Variants in LGALS3 observed in about 807,000 individuals in gnomAD.
The protein encoded by LGALS3 is galectin 3.
LGALS3 carries 18 observed loss-of-function variants against 20.7 expected under a neutral mutation model. That is an observed-to-expected ratio of 0.87 (90% CI 0.60 to 1.29). The LOEUF is 1.29. LGALS3 is among the 50% of genes most tolerant of loss of function. LGALS3 has a pLI of 0.00. For missense variants in LGALS3, 315 were observed against 314.7 expected (o/e 1.00, Z -0.01); for synonymous variants, 112 against 119.6 (o/e 0.94, Z 0.42).
chr14:55,133,194 G>A (rs1477168303), intron 1 of LGALS3, among the ~76,000 whole-genome samples: 2 of 146,318 alleles, frequency 1.4e-5, no homozygotes, highest in Non-Finnish European at 3.1e-5. Context: ...AAAGTGTGAT[G>A]TTTTCTATTG....
In LGALS3 at chr14:55,142,611, T is replaced by C. The variant is rs184778469; in HGVS notation, c.459T>C (p.Asn153=). Residue 153 remains asparagine, a synonymous_variant, in exon 5 of 6, where the codon AAT becomes AAC. Transcript: ENST00000254301. ...TTGCTTTAGATTTCCAAAGAGGGAA[T>C]GATGTTGCCTTCCACTTTAACCCAC... is the stretch of plus-strand genomic sequence containing the variant. The part of the protein sequence containing the change: ...NRIALDFQRG[N]DVAFHFNPRF... 1.7e-4 allele frequency: 281 copies of C among 1,613,792 alleles called. No individual in the cohort carries two copies. The African/African-American group carries it at 3.2e-3, about 19-fold the overall frequency.
At chr14:55,134,679 G>A (rs954188211) in intron 1 of LGALS3, among the ~76,000 whole-genome samples, 9 of 152,280 alleles carry the variant, frequency 5.9e-5, no homozygotes, top group African/African-American at 2.2e-4. Context: ...CACATGCAGA[G>A]GAGCTCACAA....
At chr14:55,140,184 C>G in intron 3 of LGALS3, 91 bp from the exon 4 acceptor site, 1 of 803,326 alleles carries the variant, frequency 1.2e-6, no homozygotes, top group South Asian at 1.6e-5. Context: ...GTTTTTCACA[C>G]ATATTAATAG....
In LGALS3 at chr14:55,138,289, C is replaced by T. The variant is rs765001166; in HGVS notation, c.263C>T (p.Ala88Val). 31 of 1,612,656 alleles carry T rather than the reference C, an allele frequency of 1.9e-5. No homozygotes were observed. The Middle Eastern group carries it at 1.3e-3, about 68-fold the overall frequency. Residue 88 changes from alanine (A) to valine (V), a missense_variant, in exon 3 of 6, where the codon GCC (alanine) becomes GTC (valine). Physicochemically the swap from Ala to Val is moderately conservative, Grantham distance 64 (BLOSUM62 0). Coordinates refer to ENST00000254301, the MANE Select transcript of LGALS3 (RefSeq NM_002306.4). Reference sequence around the variant, plus strand: ...CCAGGGCCACCCAGCGGCCCTGGGGCCTACCCATCTTCTGGACAGCCAAGT... The same window carrying T: ...CCAGGGCCACCCAGCGGCCCTGGGGTCTACCCATCTTCTGGACAGCCAAGT... The part of the protein sequence containing the change: ...VYPGPPSGPG[A>V]YPSSGQPSAT...
chr14:55,145,238 A>T lies in LGALS3; in HGVS notation c.720A>T (p.Ile240=). Residue 240 remains isoleucine (I), a synonymous_variant, in exon 6 of 6, where the codon ATA becomes ATT. Transcript: ENST00000254301. ...EISKLGISGD[I]DLTSASYTMI ...GCAAACTGGGAATTTCTGGTGACAT[A>T]GACCTCACCAGTGCTTCATATACCA... 6.2e-7 allele frequency: 1 copy of T among 1,613,928 alleles called. No homozygotes were observed. Among genetic ancestry groups the T allele is most frequent in the Non-Finnish European group, 8.5e-7 (1 of 1,179,854 alleles).
chr14:55,133,472 A>G (rs1203335721), intron 1 of LGALS3, among the ~76,000 whole-genome samples: 2 of 152,230 alleles, frequency 1.3e-5, no homozygotes, highest in Non-Finnish European at 2.9e-5. Flanking sequence ...GGTGGGTAGC[A>G]TCTACAGTGT....
intron 5 of LGALS3, chr14:55,143,318 T>G (rs745458200): frequency 2.1e-5 from 5 of 238,804 alleles, no homozygotes; most frequent in Non-Finnish European, 4.3e-5. Flanking sequence ...TATAGAGTGG[T>G]GAATAAAACA....
At chr14:55,142,031 A>G (rs1209044636) in intron 4 of LGALS3, among the ~76,000 whole-genome samples, 2 of 152,224 alleles carry the variant, frequency 1.3e-5, no homozygotes, top group Admixed American at 1.3e-4. Context: ...CACATTTACT[A>G]TCATGACTTT....
At chr14:55,136,782 T>C (rs1881408488) in intron 1 of LGALS3, among the ~76,000 whole-genome samples, 1 of 152,152 alleles carries the variant, frequency 6.6e-6, no homozygotes, top group South Asian at 2.1e-4. Context: ...TTGTCACCCA[T>C]TAACTATCCC....
At chr14:55,144,806 C>G (rs1465597395) in intron 5 of LGALS3, among the ~76,000 whole-genome samples, 1 of 152,028 alleles carries the variant, frequency 6.6e-6, no homozygotes, top group Admixed American at 6.6e-5. Context: ...CCTTGTGATC[C>G]ACCCGCCTCA....
intron 2 of LGALS3, chr14:55,137,751 A>G: frequency 1.5e-6 from 2 of 1,338,364 alleles, no homozygotes; most frequent in Non-Finnish European, 1.9e-6. Flanking sequence ...ATGAAAAAGT[A>G]TGTGCTATAA....
At chr14:55,132,732 TA>T (rs1320495313) in intron 1 of LGALS3, among the ~76,000 whole-genome samples, 5 of 152,110 alleles carry the variant, frequency 3.3e-5, no homozygotes, top group Non-Finnish European at 7.4e-5. Context: ...CACACCTGGC[TA>T]ATTCTTTGTA....
In LGALS3 at chr14:55,140,336, T is replaced by G; in HGVS notation, c.404T>G (p.Leu135Arg). 1 of 1,613,416 alleles carries G rather than the reference T, an allele frequency of 6.2e-7. No individual in the cohort carries two copies. Among genetic ancestry groups the G allele is most frequent in the Middle Eastern group, 1.6e-4 (1 of 6,062 alleles). Reference sequence around the variant, plus strand: ...GTGCCTCGCATGCTGATAACAATTCTGGGCACGGTGAAGCCCAATGCAAAC... The same window carrying G: ...GTGCCTCGCATGCTGATAACAATTCGGGGCACGGTGAAGCCCAATGCAAAC... ...GVVPRMLITI[L>R]GTVKPNANRI... Residue 135 changes from leucine to arginine, a missense_variant, in exon 4 of 6, where the codon CTG (leucine) becomes CGG (arginine). By Grantham distance (102) the Leu-to-Arg change is moderately radical. Coordinates refer to ENST00000254301, the MANE Select transcript of LGALS3 (RefSeq NM_002306.4).
chr14:55,144,519 T>G (rs541032966), intron 5 of LGALS3, among the ~76,000 whole-genome samples: 1 of 132,356 alleles, frequency 7.6e-6, no homozygotes, highest in South Asian at 2.4e-4. Flanking sequence ...CTAATAAATT[T>G]GCTGCTTTAA....
intron 1 of LGALS3, among the ~76,000 whole-genome samples, chr14:55,136,061 G>GC (rs57117110): frequency 2.0e-5 from 3 of 152,240 alleles, no homozygotes; most frequent in South Asian, 2.1e-4. Context: ...TGCCTCAGGG[G>GC]CCCAGCTGCC....
chr14:55,138,143 T>C lies in LGALS3; in HGVS notation c.117T>C (p.Ala39=). 6.3e-7 allele frequency: 1 copy of C among 1,585,524 alleles called. No homozygotes were observed. The highest frequency in any genetic ancestry group is 8.6e-7 in the Non-Finnish European group (1 of 1,168,846). ...CTGGGGCAGGGGGCTACCCAGGGGC[T>C]TCCTATCCTGGGGCCTACCCCGGGC... The part of the protein sequence containing the change: ...QPAGAGGYPG[A]SYPGAYPGQA... Residue 39 remains alanine, a synonymous_variant, in exon 3 of 6, where the codon GCT becomes GCC. Coordinates refer to ENST00000254301, the MANE Select transcript of LGALS3 (RefSeq NM_002306.4).
Position 55,140,337 on chromosome 14 carries a change from G to A in LGALS3, c.405G>A (p.Leu135=), listed in dbSNP as rs1245646380. 3 of 1,612,924 alleles carry A rather than the reference G, an allele frequency of 1.9e-6. No homozygotes were observed. Among genetic ancestry groups the A allele is most frequent in the East Asian group, 4.5e-5 (2 of 44,874 alleles). ...TGCCTCGCATGCTGATAACAATTCT[G>A]GGCACGGTGAAGCCCAATGCAAACA... The part of the protein sequence containing the change: ...GVVPRMLITI[L]GTVKPNANRI... The change falls in exon 4 of 6, where the codon CTG becomes CTA. Residue 135 remains leucine (L), a synonymous_variant. Coordinates refer to ENST00000254301, the MANE Select transcript of LGALS3 (RefSeq NM_002306.4).
chr14:55,135,282 C>T (rs1415859297), intron 1 of LGALS3, among the ~76,000 whole-genome samples: 1 of 152,172 alleles, frequency 6.6e-6, no homozygotes, highest in Admixed American at 6.5e-5. Flanking sequence ...AAATCCCAAA[C>T]GTTTTGCATG....
chr14:55,130,647 C>T (rs1881200470), intron 1 of LGALS3, among the ~76,000 whole-genome samples: 1 of 150,662 alleles, frequency 6.6e-6, no homozygotes, highest in Non-Finnish European at 1.5e-5. Context: ...GCAACCTCTG[C>T]CTACCGGGTT....
Sources: gnomAD v4.1 joint callset for allele counts (sites outside exome capture counted in the v4.1 genomes callset) on GRCh38, gnomAD v4.1.1 for gene constraint, MANE v1.5 for transcripts, NCBI Gene and HGNC (gene_info 2026-07-23, HGNC 2026-07-21) for gene names.